ZNF407: variants seen among roughly 807,000 people sequenced by gnomAD.
ZNF407 encodes the protein zinc finger protein 407.
A neutral mutation model predicts 131.2 loss-of-function variants in ZNF407; 17 were observed. That is an observed-to-expected ratio of 0.13 (90% CI 0.09 to 0.19). The LOEUF (loss-of-function observed/expected upper bound fraction) is 0.19, where lower values mean the gene tolerates loss of function less well. ZNF407 is among the 10% of genes least tolerant of loss of function. ZNF407 has a pLI of 1.00. For synonymous variants in ZNF407, 1,156 were observed against 1,062.0 expected (o/e 1.09, Z -1.72); for missense variants, 2,681 against 2,830.6 (o/e 0.95, Z 1.20).
At chr18:74,717,054 T>C (rs575242898) in intron 3 of ZNF407, among the ~76,000 whole-genome samples, 14 of 152,160 alleles carry the variant, frequency 9.2e-5, no homozygotes, top group Non-Finnish European at 1.5e-4. Context: ...AAACAAAAAA[T>C]ATATATACGT....
chr18:75,049,026 T>A (rs1304083242), intron 8 of ZNF407, among the ~76,000 whole-genome samples: 1 of 139,574 alleles, frequency 7.2e-6, no homozygotes, highest in Admixed American at 8.4e-5. Flanking sequence ...TGACAGGAAA[T>A]CTGAGTGGTG....
At chr18:74,598,808 G>A (rs1010029180) in intron 1 of ZNF407, among the ~76,000 whole-genome samples, 1 of 152,272 alleles carries the variant, frequency 6.6e-6, no homozygotes, top group Admixed American at 6.5e-5. Flanking sequence ...TCCTTCTGGA[G>A]TTTAAGCTGG....
At position 74,604,480 on chromosome 18, in the gene ZNF407, A is replaced by T. The variant is rs4129524; in HGVS notation, c.-54+6543A>T. ...ACAGCTTGCCAGCCCAAAGTGTCAG[A>T]TCTTCTCTCAGGGGTGGTCCTTGCA... is the stretch of plus-strand genomic sequence containing the variant. On this transcript the variant is annotated intron_variant, in intron 1 of 8. Transcript: ENST00000299687. Among the ~76,000 whole-genome samples the T allele has an allele frequency of 4.7e-3, 718 of 152,292 alleles. 10 individuals carry two copies. Among genetic ancestry groups the T allele is most frequent in the African/African-American group, 0.016 (678 of 41,562 alleles).
chr18:74,995,783 G>A (rs1253267674), intron 8 of ZNF407, among the ~76,000 whole-genome samples: 6 of 152,154 alleles, frequency 3.9e-5, no homozygotes. Flanking sequence ...GATACCGAGG[G>A]ACTTGTGCTT....
At chr18:74,648,728 T>C (rs756856815) in intron 3 of ZNF407, among the ~76,000 whole-genome samples, 3 of 152,238 alleles carry the variant, frequency 2.0e-5, no homozygotes, top group Admixed American at 2.0e-4. Context: ...AGAGGACATA[T>C]GCAGTTACGT....
At chr18:74,798,601 G>T (rs905435838) in intron 4 of ZNF407, among the ~76,000 whole-genome samples, 8 of 152,088 alleles carry the variant, frequency 5.3e-5, no homozygotes. Context: ...CCTTTTCAGT[G>T]TAACTGTGGA....
intron 3 of ZNF407, among the ~76,000 whole-genome samples, chr18:74,769,523 C>T (rs1340728706): frequency 1.3e-5 from 2 of 152,188 alleles, no homozygotes; most frequent in Non-Finnish European, 2.9e-5. Flanking sequence ...TTTGATTCCC[C>T]TGCTGGAGAT....
At chr18:74,931,988 T>G (rs938063318) in intron 8 of ZNF407, among the ~76,000 whole-genome samples, 1 of 152,202 alleles carries the variant, frequency 6.6e-6, no homozygotes, top group African/African-American at 2.4e-5. Flanking sequence ...ATGTCTTTTT[T>G]TCCGCCTCTT....
chr18:74,616,834 A>C (rs1983312166), intron 1 of ZNF407, among the ~76,000 whole-genome samples: 1 of 120,274 alleles, frequency 8.3e-6, no homozygotes, highest in Non-Finnish European at 1.8e-5. Context: ...ATCCATATCC[A>C]CGCACCACAC....
At chr18:75,051,882 CTCTCATAAGTGAAGGCCAGGT>C (rs1195855963) in intron 8 of ZNF407, among the ~76,000 whole-genome samples, 1 of 152,222 alleles carries the variant, frequency 6.6e-6, no homozygotes, top group Non-Finnish European at 1.5e-5. Context: ...AACTCAGGCA[CTCTCATAAGTGAAGGCCAGGT>C]TCATTTGACA....
chr18:74,786,932 A>G (rs1445918739), intron 4 of ZNF407, among the ~76,000 whole-genome samples: 1 of 148,330 alleles, frequency 6.7e-6, no homozygotes, highest in Non-Finnish European at 1.5e-5. Flanking sequence ...CAGGTTACTG[A>G]ATAATTGGGA....
At chr18:74,701,618 AC>A (rs1243517659) in intron 3 of ZNF407, among the ~76,000 whole-genome samples, 2 of 152,164 alleles carry the variant, frequency 1.3e-5, no homozygotes, top group Non-Finnish European at 2.9e-5. Context: ...GGTAACTATT[AC>A]AGTTAATTTT....
chr18:74,804,837 G>T (rs1970084372), intron 4 of ZNF407, among the ~76,000 whole-genome samples: 1 of 152,170 alleles, frequency 6.6e-6, no homozygotes, highest in African/African-American at 2.4e-5. Flanking sequence ...CTTGCTTTCT[G>T]AATATTATCC....
intron 4 of ZNF407, among the ~76,000 whole-genome samples, chr18:74,832,466 T>G (rs541006023): frequency 6.6e-6 from 1 of 152,032 alleles, no homozygotes; most frequent in Non-Finnish European, 1.5e-5. Context: ...TTCTTTTTGT[T>G]TTTTTTGAGA....
intron 8 of ZNF407, among the ~76,000 whole-genome samples, chr18:75,023,160 G>C (rs1286785385): frequency 6.6e-6 from 1 of 152,080 alleles, no homozygotes; most frequent in African/African-American, 2.4e-5. Flanking sequence ...AGGAGAACAA[G>C]ACACGCTGGG....
intron 8 of ZNF407, among the ~76,000 whole-genome samples, chr18:75,050,539 G>T (rs1973488114): frequency 6.6e-6 from 1 of 152,188 alleles, no homozygotes; most frequent in South Asian, 2.1e-4. Context: ...ACTCCCACAG[G>T]CTGACATGAA....
chr18:75,002,741 C>T lies in ZNF407; in HGVS notation c.5429-60409C>T, dbSNP rs900142816. 6.0e-5 allele frequency among the ~76,000 whole-genome samples: 9 copies of T among 149,760 alleles called. No homozygotes were observed. The East Asian group carries it at 1.6e-3, about 26-fold the overall frequency. On this transcript the variant is annotated intron_variant, in intron 8 of 8. Transcript: ENST00000299687. ...AATGGCGTGAACCCGGGAGGTGGAG[C>T]TTGCAGCGAGCCGAGATCGCGCCAC...
At chr18:74,918,379 T>C (rs1971800929) in intron 7 of ZNF407, among the ~76,000 whole-genome samples, 1 of 152,238 alleles carries the variant, frequency 6.6e-6, no homozygotes, top group Non-Finnish European at 1.5e-5. Context: ...ATTTACCTTC[T>C]TCTCTGTGAA....
At chr18:75,018,159 G>T (rs1973066944) in intron 8 of ZNF407, among the ~76,000 whole-genome samples, 1 of 152,098 alleles carries the variant, frequency 6.6e-6, no homozygotes. Flanking sequence ...TTAACTTTAT[G>T]ATCGAGTATC....
Sources: gnomAD v4.1 joint callset for allele counts (sites outside exome capture counted in the v4.1 genomes callset) on GRCh38, gnomAD v4.1.1 for gene constraint, MANE v1.5 for transcripts, NCBI Gene and HGNC (gene_info 2026-07-23, HGNC 2026-07-21) for gene names.